The following SMOC2 variants were observed in gnomAD, a reference collection of about 807,000 sequenced individuals.
SMOC2 encodes the protein SPARC-related modular calcium-binding protein 2.
SMOC2 carries 39 observed loss-of-function variants against 61.4 expected under a neutral mutation model. The ratio of observed to expected loss-of-function variants is 0.64; its 90% confidence interval spans 0.49 to 0.83. SMOC2 has a LOEUF of 0.83. Ranked by LOEUF, SMOC2 falls within the 40% of genes least tolerant of loss-of-function variation. SMOC2 has a pLI of 0.00. For synonymous variants in SMOC2, 247 were observed against 239.9 expected (o/e 1.03, Z -0.27); for missense variants, 556 against 592.9 (o/e 0.94, Z 0.65).
intron 11 of SMOC2, chr6:168,655,337 G>A (rs1395432921): frequency 2.2e-6 from 1 of 453,864 alleles, no homozygotes; most frequent in Non-Finnish European, 4.4e-6. Context: ...AATGGTTATA[G>A]CAGTTTTAAC....
intron 9 of SMOC2, among the ~76,000 whole-genome samples, chr6:168,623,482 C>CTTATTTATTTATTTAT (rs146563724): frequency 1.2e-3 from 172 of 146,476 alleles, no homozygotes; most frequent in African/African-American, 3.7e-3. Context: ...CCCCACCTGG[C>CTTATTTATTTATTTAT]TTATTTATTT....
chr6:168,441,363 C>T lies in SMOC2; in HGVS notation c.-8C>T, dbSNP rs1264319390. On this transcript the variant is annotated 5_prime_UTR_variant, in exon 1 of 13. Transcript: ENST00000356284. ...GGCCGATCTCCCGCTCCCGCCACCT[C>T]CGCCACCATGCTGCTCCCCCAGCTC... 2.0e-6 allele frequency: 3 copies of T among 1,502,920 alleles called. No homozygotes were observed. The highest frequency in any genetic ancestry group is 2.6e-6 in the Non-Finnish European group (3 of 1,132,112). 93.1% of individuals were successfully genotyped at this position (1,502,920 alleles called of 1,614,324 possible).
At chr6:168,459,345 C>T (rs1385267939) in intron 1 of SMOC2, among the ~76,000 whole-genome samples, 2 of 152,114 alleles carry the variant, frequency 1.3e-5, no homozygotes, top group Non-Finnish European at 2.9e-5. Flanking sequence ...GGAATCTGGG[C>T]CATCGGCAGG....
intron 1 of SMOC2, among the ~76,000 whole-genome samples, chr6:168,487,850 G>A (rs961266167): frequency 1.2e-4 from 18 of 152,236 alleles, no homozygotes; most frequent in East Asian, 7.7e-4. Flanking sequence ...CAATCTATAC[G>A]TTGATGTAGT....
At chr6:168,597,596 A>G (rs1257037596) in intron 7 of SMOC2, among the ~76,000 whole-genome samples, 1 of 152,256 alleles carries the variant, frequency 6.6e-6, no homozygotes, top group East Asian at 1.9e-4. Context: ...CCTGTCTGAT[A>G]TCACCTTTAG....
chr6:168,539,445 C>A (rs1783826397), intron 4 of SMOC2, among the ~76,000 whole-genome samples: 2 of 152,314 alleles, frequency 1.3e-5, no homozygotes, highest in Middle Eastern at 3.4e-3. Context: ...TTCTCACCAC[C>A]CCTTGGTCCG....
chr6:168,659,559 GAGGTTGTAGGTTGA>G (rs1389408536), intron 11 of SMOC2, among the ~76,000 whole-genome samples: 23 of 151,270 alleles, frequency 1.5e-4, no homozygotes, highest in South Asian at 4.2e-4. Context: ...GGTGAGGATG[GAGGTTGTAGGTTGA>G]GTCAGGGTGG....
chr6:168,525,114 G>GT (rs1261370789), intron 2 of SMOC2, among the ~76,000 whole-genome samples: 1 of 152,172 alleles, frequency 6.6e-6, no homozygotes, highest in African/African-American at 2.4e-5. Context: ...CTGGAAATAC[G>GT]TTTTTTAAAA....
intron 2 of SMOC2, among the ~76,000 whole-genome samples, chr6:168,521,283 G>C (rs1783322785): frequency 6.6e-6 from 1 of 152,028 alleles, no homozygotes; most frequent in South Asian, 2.1e-4. Context: ...TGAGTAGCTG[G>C]GATTACAGGT....
intron 1 of SMOC2, among the ~76,000 whole-genome samples, chr6:168,498,918 AC>A (rs1782659559): frequency 9.2e-6 from 1 of 108,608 alleles, no homozygotes. Context: ...CCTGTTTACT[AC>A]ACATGGAAAC....
chr6:168,488,297 T>G (rs531365243), intron 1 of SMOC2, among the ~76,000 whole-genome samples: 2 of 152,350 alleles, frequency 1.3e-5, no homozygotes, highest in East Asian at 3.9e-4. Flanking sequence ...CTTCACATTG[T>G]CTTCCCTCTC....
At chr6:168,504,156 C>T (rs1018670864) in intron 1 of SMOC2, among the ~76,000 whole-genome samples, 4 of 152,038 alleles carry the variant, frequency 2.6e-5, no homozygotes, top group Non-Finnish European at 5.9e-5. Flanking sequence ...GCTTCTCATC[C>T]AGCTCCTCTG....
chr6:168,446,270 G>A (rs1182921811), intron 1 of SMOC2, among the ~76,000 whole-genome samples: 1 of 152,222 alleles, frequency 6.6e-6, no homozygotes, highest in Non-Finnish European at 1.5e-5. Flanking sequence ...GGCTGAGACA[G>A]GGGAATTCAT....
In SMOC2 at chr6:168,509,935, T is replaced by G. The variant is rs781613130; in HGVS notation, c.105T>G (p.Asp35Glu). 6.2e-7 allele frequency: 1 copy of G among 1,604,920 alleles called. No individual in the cohort carries two copies. The highest frequency in any genetic ancestry group is 1.3e-5 in the African/African-American group (1 of 74,860). ...TTAAGTTTTTGAGAGTGGATCAAGATAAAGACAAGGATTGTAGCTTGGACT... is the reference window on the plus strand; with the variant it reads ...TTAAGTTTTTGAGAGTGGATCAAGAGAAAGACAAGGATTGTAGCTTGGACT... ...SALTFLRVDQ[D>E]KDKDCSLDCA... The change falls in exon 2 of 13, where the codon GAT becomes GAG. Residue 35 changes from aspartate (D) to glutamate (E), a missense_variant. Coordinates refer to ENST00000356284, the MANE Select transcript of SMOC2 (RefSeq NM_001166412.2).
chr6:168,478,958 G>A (rs1436313640), intron 1 of SMOC2, among the ~76,000 whole-genome samples: 2 of 151,582 alleles, frequency 1.3e-5, no homozygotes, highest in Admixed American at 6.6e-5. Context: ...AGTCAGGAAC[G>A]TTGAATGATT....
chr6:168,467,112 G>A (rs988964013), intron 1 of SMOC2, among the ~76,000 whole-genome samples: 3 of 150,218 alleles, frequency 2.0e-5, no homozygotes, highest in African/African-American at 7.4e-5. Context: ...CAGTGGGAGT[G>A]TGCTTAACAA....
rs200133836 is a variant in SMOC2 at position 168,543,651 on chromosome 6, C to T, written c.490C>T (p.Arg164Cys). The T allele has an allele frequency of 4.7e-5, 76 of 1,613,610 alleles. No homozygotes were observed. The Admixed American group carries it at 5.5e-4, about 12-fold the overall frequency. The change falls in exon 5 of 13, where the codon CGC (arginine) becomes TGC (cysteine). Residue 164 changes from arginine to cysteine, a missense_variant. Physicochemically the swap from Arg to Cys is radical, Grantham distance 180. Transcript: ENST00000356284. ...PGSVNEKLPQ[R>C]EGTGKTDDAA... ...TTCCGTAAATGAAAAGTTACCCCAA[C>T]GCGAAGGCACAGGAAAAACAGGTAA...
At chr6:168,619,113 A>G (rs1447585688) in intron 9 of SMOC2, among the ~76,000 whole-genome samples, 2 of 152,132 alleles carry the variant, frequency 1.3e-5, no homozygotes, top group Non-Finnish European at 2.9e-5. Context: ...GCAACAGCAC[A>G]TTGTTGAGTT....
At chr6:168,505,678 G>A (rs570101008) in intron 1 of SMOC2, among the ~76,000 whole-genome samples, 26 of 152,336 alleles carry the variant, frequency 1.7e-4, no homozygotes, top group South Asian at 6.2e-4. Flanking sequence ...TTTGTATTGC[G>A]GGCTCTGAAA....
Sources: allele counts gnomAD v4.1 joint callset (sites outside exome capture counted in the v4.1 genomes callset), GRCh38; gene constraint gnomAD v4.1.1; transcripts MANE v1.5; gene names NCBI Gene and HGNC (gene_info 2026-07-23, HGNC 2026-07-21).